The following HOOK1 variants were observed in gnomAD, a reference collection of about 807,000 sequenced individuals.
HOOK1 encodes the protein hook microtubule tethering protein 1, also known as protein Hook homolog 1.
A neutral mutation model predicts 112.8 loss-of-function variants in HOOK1; 60 were observed. The ratio of observed to expected loss-of-function variants is 0.53; its 90% CI spans 0.43 to 0.66. The LOEUF is 0.66. Ranked by LOEUF, HOOK1 falls within the 30% of genes least tolerant of loss-of-function variation. The pLI is 0.00. For missense variants in HOOK1, 770 were observed against 856.0 expected (o/e 0.90, Z 1.25); for synonymous variants, 294 against 283.8 (o/e 1.04, Z -0.36).
Position 59,868,217 on chromosome 1 carries a change from T to G in HOOK1, c.1846-33T>G, listed in dbSNP as rs1482103176. On this transcript the variant is annotated intron_variant, in intron 19 of 21. Transcript: ENST00000371208. ...CTATATGTTTTAATACTTTAAAATA[T>G]AAAGTGAACATAGTATTTTTTTCTT... 3 of 1,123,942 alleles carry G rather than the reference T, an allele frequency of 2.7e-6. No individual in the cohort carries two copies. In the South Asian group the frequency reaches 3.9e-5, roughly 15 times the overall value. The allele number at this position is 1,123,942 out of a possible 1,614,324, so 69.6% of individuals were successfully genotyped here.
intron 19 of HOOK1, among the ~76,000 whole-genome samples, chr1:59,866,944 G>A (rs530932963): frequency 7.2e-5 from 11 of 152,252 alleles, no homozygotes; most frequent in Admixed American, 2.6e-4. Context: ...TCCTAGAAAT[G>A]GAAGTATTGG....
At position 59,849,081 on chromosome 1, in the gene HOOK1, T is replaced by C. The variant is rs1254527838; in HGVS notation, c.1140T>C (p.Asp380=). The C allele has an allele frequency of 2.5e-6, 4 of 1,604,502 alleles. No homozygotes were observed. In the South Asian group the frequency reaches 3.3e-5, roughly 13 times the overall value. ...QLETYKRQVQ[D]LHVKLSSESK... ...TTTGTTTCTGACATTAGGTTCAAGATCTTCATGTTAAACTTTCCTCCGAAT... is the reference window on the plus strand; with the variant it reads ...TTTGTTTCTGACATTAGGTTCAAGACCTTCATGTTAAACTTTCCTCCGAAT... The change falls in exon 12 of 22, where the codon GAT becomes GAC. Residue 380 remains aspartate (D), a synonymous_variant. Coordinates refer to ENST00000371208, the MANE Select transcript of HOOK1 (RefSeq NM_015888.6).
At position 59,821,888 on chromosome 1, in the gene HOOK1, C is replaced by T. The variant is rs756935304; in HGVS notation, c.94C>T (p.Gln32Ter). 6.2e-7 allele frequency: 1 copy of T among 1,605,222 alleles called. No individual in the cohort carries two copies. ...GACATTCAATACTGCCTCACCTTGT[C>T]AAGATGTCAAACAGCTGACTAGTGG... The part of the protein sequence containing the change: ...LQTFNTASPC[Q>*]DVKQLTSGVA... The change falls in exon 2 of 22, where the codon CAA becomes TAA. Residue 32 changes from glutamine (Q) to a stop codon, truncating the protein, a stop_gained. Transcript: ENST00000371208. LOFTEE classifies it high-confidence loss of function.
chr1:59,831,308 C>G (rs2098393807), intron 3 of HOOK1, among the ~76,000 whole-genome samples: 2 of 152,138 alleles, frequency 1.3e-5, no homozygotes, highest in South Asian at 4.1e-4. Flanking sequence ...CTAAAGTAGA[C>G]TCATTACTAA....
chr1:59,821,191 A>AT (rs532158388), intron 1 of HOOK1, among the ~76,000 whole-genome samples: 51 of 152,202 alleles, frequency 3.4e-4, no homozygotes, highest in African/African-American at 1.2e-3. Flanking sequence ...TGCTTTCTAA[A>AT]TTTTTTTCTA....
chr1:59,864,075 C>A (rs2098415012), intron 16 of HOOK1, among the ~76,000 whole-genome samples: 1 of 151,886 alleles, frequency 6.6e-6, no homozygotes, highest in South Asian at 2.1e-4. Flanking sequence ...ACGACTATTG[C>A]AATTTAAAGT....
intron 15 of HOOK1, among the ~76,000 whole-genome samples, chr1:59,861,376 G>A (rs2102066479): frequency 6.6e-6 from 1 of 152,280 alleles, no homozygotes; most frequent in South Asian, 2.1e-4. Context: ...CTTATTAACT[G>A]TTTCTGGACA....
chr1:59,850,184 T>C (rs1461167854), intron 12 of HOOK1, among the ~76,000 whole-genome samples: 1 of 151,598 alleles, frequency 6.6e-6, no homozygotes, highest in East Asian at 1.9e-4. Context: ...AAAATGTCTC[T>C]TCAAATCCTT....
Position 59,865,970 on chromosome 1 carries a change from A to T in HOOK1, c.1843A>T (p.Asn615Tyr). ...TAAAATGTACTTGGAGAAAGCCAGA[A>T]ATGTGAGTGACTTATCTTTCGGAGC... ...RYKMYLEKAR[N>Y]VIKTLDPKLN... Residue 615 changes from asparagine (N) to tyrosine (Y), a missense_variant and splice_region_variant, in exon 19 of 22, where the codon AAT (asparagine) becomes TAT (tyrosine). Asn to Tyr is a moderately radical substitution (Grantham distance 143). This residue lies in a region of HOOK1 where 655 missense variants were observed against 725.9 expected (regional missense o/e 0.90). Coordinates refer to ENST00000371208, the MANE Select transcript of HOOK1 (RefSeq NM_015888.6). 2 of 1,525,112 alleles carry T rather than the reference A, an allele frequency of 1.3e-6. No homozygotes were observed. Among genetic ancestry groups the T allele is most frequent in the Middle Eastern group, 1.7e-4 (1 of 5,872 alleles). The allele number at this position is 1,525,112 out of a possible 1,614,324, so 94.5% of individuals were successfully genotyped here.
At chr1:59,827,823 A>C (rs1375602659) in intron 2 of HOOK1, among the ~76,000 whole-genome samples, 1 of 152,082 alleles carries the variant, frequency 6.6e-6, no homozygotes, top group African/African-American at 2.4e-5. Context: ...CTTAAATTCA[A>C]TTTACAACCT....
intron 1 of HOOK1, 50 bp from the exon 2 acceptor site, chr1:59,821,808 C>A: frequency 8.0e-7 from 1 of 1,246,280 alleles, no homozygotes; most frequent in Non-Finnish European, 1.1e-6. Context: ...TGTAATGCTA[C>A]CTTGTAGGTA....
rs537573713 is a variant in HOOK1 at position 59,859,093 on chromosome 1, T to G, written c.1391+48T>G. 2.2e-4 allele frequency: 195 copies of G among 893,054 alleles called. No individual in the cohort carries two copies. In the African/African-American group the frequency reaches 3.1e-3, roughly 14 times the overall value. The allele number at this position is 893,054 out of a possible 1,614,324, so 55.3% of individuals were successfully genotyped here. On this transcript the variant is annotated intron_variant, in intron 14 of 21. Coordinates refer to ENST00000371208, the MANE Select transcript of HOOK1 (RefSeq NM_015888.6). ...TAGAATTATATTTAATATTATAATT[T>G]TTTTGTTTTTTGTAAATGTCTTGGC...
In HOOK1 at chr1:59,864,632, T is replaced by C. The variant is rs756196437; in HGVS notation, c.1627T>C (p.Ser543Pro). 20 of 1,539,424 alleles carry C rather than the reference T, an allele frequency of 1.3e-5. No homozygotes were observed. The African/African-American group carries it at 2.5e-4, about 19-fold the overall frequency. The part of the protein sequence containing the change: ...EQGSKSEGES[S>P]SKLKQKLEAH... ...CAGCAATTTTTTTTAAATTTTATAGTCCAGCAAATTAAAGCAGAAGTTGGA... is the reference window on the plus strand; with the variant it reads ...CAGCAATTTTTTTTAAATTTTATAGCCCAGCAAATTAAAGCAGAAGTTGGA... Residue 543 changes from serine to proline, a missense_variant and splice_region_variant, in exon 17 of 22, where the codon TCC (serine) becomes CCC (proline). Ser to Pro is a moderately conservative substitution (Grantham distance 74, BLOSUM62 -1). This residue lies in a region of HOOK1 where 655 missense variants were observed against 725.9 expected (regional missense o/e 0.90). Transcript: ENST00000371208.
rs543800066 is a variant in HOOK1 at position 59,843,611 on chromosome 1, A to G, written c.788+13A>G. 10 of 1,587,842 alleles carry G rather than the reference A, an allele frequency of 6.3e-6. No homozygotes were observed. Among genetic ancestry groups the G allele is most frequent in the Non-Finnish European group, 8.6e-6 (10 of 1,166,120 alleles). ...AAGAAAACTTCAGGTAGCATTTTTA[A>G]TGGAAATCATTTTATGGAGTTCTGT... On this transcript the variant is annotated intron_variant, in intron 9 of 21. Transcript: ENST00000371208.
intron 2 of HOOK1, among the ~76,000 whole-genome samples, chr1:59,823,284 C>T (rs2098387183): frequency 6.6e-6 from 1 of 152,230 alleles, no homozygotes; most frequent in Admixed American, 6.5e-5. Context: ...CCTGCCACTG[C>T]ACTCCAGCCT....
intron 19 of HOOK1, among the ~76,000 whole-genome samples, chr1:59,866,703 C>T (rs191530229): frequency 6.6e-6 from 1 of 152,302 alleles, no homozygotes; most frequent in East Asian, 1.9e-4. Context: ...CTTTGGAGCG[C>T]AGGCATGTGA....
intron 19 of HOOK1, among the ~76,000 whole-genome samples, chr1:59,866,939 G>C (rs1239070238): frequency 6.6e-6 from 1 of 151,964 alleles, no homozygotes; most frequent in Admixed American, 6.6e-5. Flanking sequence ...TTATTTCCTA[G>C]AAATGGAAGT....
chr1:59,871,016 T>C (rs763478405), intron 20 of HOOK1, 26 bp from the exon 21 acceptor site: 47 of 1,476,340 alleles, frequency 3.2e-5, no homozygotes, highest in Non-Finnish European at 3.3e-5. Flanking sequence ...TCTGGGATTT[T>C]AATTGTTCTC....
chr1:59,841,752 T>G (rs1342838438), intron 8 of HOOK1, among the ~76,000 whole-genome samples: 2 of 152,152 alleles, frequency 1.3e-5, no homozygotes, highest in Non-Finnish European at 1.5e-5. Context: ...TCTGAGAAAT[T>G]CTTATTCAAT....
Sources: gnomAD v4.1 joint callset for allele counts (sites outside exome capture counted in the v4.1 genomes callset) on GRCh38, gnomAD v4.1.1 for gene constraint, gnomAD v4.1.1 regional missense constraint, MANE v1.5 for transcripts, NCBI Gene and HGNC (gene_info 2026-07-23, HGNC 2026-07-21) for gene names.